The following PDE4C variants were observed in gnomAD, a reference collection of about 807,000 sequenced individuals.
PDE4C encodes 3',5'-cyclic-AMP phosphodiesterase 4C.
In PDE4C, 50 loss-of-function variants were observed where a neutral mutation model predicts 63.9. The observed-to-expected ratio is 0.78, with a 90% CI of 0.62 to 0.99. PDE4C has a LOEUF of 0.99. PDE4C is among the 50% of genes least tolerant of loss of function. The pLI is 0.00. For missense variants in PDE4C, 777 were observed against 899.1 expected, an observed-to-expected ratio of 0.86 and a Z score of 1.74; for synonymous variants, 377 against 385.1, an observed-to-expected ratio of 0.98 and a Z score of 0.25.
chr19:18,219,146 A>G (rs890184401), intron 8 of PDE4C, 88 bp downstream of exon 8: 2 of 1,576,640 alleles, frequency 1.3e-6, no homozygotes, highest in African/African-American at 2.7e-5. Flanking sequence ...ACTGCCCAGT[A>G]TATAGGTGGG....
intron 1 of PDE4C, among the ~76,000 whole-genome samples, chr19:18,244,301 G>T (rs1299869135): frequency 5.7e-5 from 8 of 139,204 alleles, no homozygotes; most frequent in East Asian, 2.2e-4. Flanking sequence ...GTTTTGTTTT[G>T]TTTTTTTTTT....
At position 18,211,209 on chromosome 19, in the gene PDE4C, G is replaced by A. The variant is rs776512163; in HGVS notation, c.1763C>T (p.Ala588Val). 18 of 1,613,344 alleles carry A rather than the reference G, an allele frequency of 1.1e-5. No homozygotes were observed. Among genetic ancestry groups the A allele is most frequent in the Non-Finnish European group, 1.7e-6 (2 of 1,179,608 alleles). The stretch of plus-strand genomic sequence containing the variant: ...CTCCAGCGTGTCCAGCAGGTCCTGT[G>A]CATCTGGGTGGACCAGGTCAGCCCA... The change falls in exon 15 of 15, where the codon GCA becomes GTA. Residue 588 changes from alanine to valine, a missense_variant. Transcript: ENST00000262805.
intron 1 of PDE4C, among the ~76,000 whole-genome samples, chr19:18,223,803 T>A (rs929011877): frequency 6.6e-6 from 1 of 152,214 alleles, no homozygotes; most frequent in Non-Finnish European, 1.5e-5. Flanking sequence ...AACAGCTTCT[T>A]GGGCTCTTCT....
chr19:18,227,196 G>A (rs750275444), upstream of PDE4C, among the ~76,000 whole-genome samples: 4 of 152,080 alleles, frequency 2.6e-5, no homozygotes, highest in Non-Finnish European at 4.4e-5. Context: ...ATCAAACAGC[G>A]CACCAGAAAC....
intron 2 of PDE4C, 73 bp from the exon 3 acceptor site, chr19:18,221,370 A>C: frequency 1.4e-6 from 2 of 1,419,236 alleles, no homozygotes; most frequent in East Asian, 2.5e-5. Context: ...TATGCCCTCA[A>C]CTGAGGGGGT....
chr19:18,252,614 C>A, upstream of PDE4C: 1 of 379,106 alleles, frequency 2.6e-6, no homozygotes. Flanking sequence ...CTTTCTCTCT[C>A]TCTTTTTTTT....
At chr19:18,233,584 A>C in exon 1 of PDE4C, 3 of 479,716 alleles carry the variant, frequency 6.3e-6, no homozygotes, top group South Asian at 1.5e-5. Context: ...TCGCTGCTAA[A>C]TGGAGGGCAG....
At chr19:18,237,716 CA>C (rs1477797891), upstream of PDE4C, among the ~76,000 whole-genome samples, 9 of 150,798 alleles carry the variant, frequency 6.0e-5, no homozygotes, top group South Asian at 6.3e-4. Context: ...ACTAAAAATA[CA>C]AAAAAATTAG....
At chr19:18,219,304 C>T (rs940669528) in exon 8 of PDE4C, 2 of 1,614,178 alleles carry the variant, frequency 1.2e-6, no homozygotes, top group Non-Finnish European at 1.7e-6. Context: ...GAGGCTGGCA[C>T]TGTGGCAGAG....
downstream of PDE4C, chr19:18,209,249 TA>T: frequency 6.7e-6 from 1 of 150,114 alleles, no homozygotes; most frequent in Non-Finnish European, 1.5e-5. Context: ...CATGCCTGGC[TA>T]ATTTTTTTTT....
upstream of PDE4C, among the ~76,000 whole-genome samples, chr19:18,229,156 G>T (rs192476819): frequency 7.1e-6 from 1 of 139,896 alleles, no homozygotes; most frequent in Non-Finnish European, 1.5e-5. Flanking sequence ...CACTATATTG[G>T]TCAGGCTGGT....
At chr19:18,233,693 C>T (rs1968899554), upstream of PDE4C, 6 of 353,632 alleles carry the variant, frequency 1.7e-5, 1 homozygote, top group South Asian at 1.1e-4. Context: ...GTGGATGAGA[C>T]AGCGAAGAGC....
exon 1 of PDE4C, chr19:18,233,176 C>T: frequency 6.4e-7 from 1 of 1,558,416 alleles, no homozygotes; most frequent in East Asian, 2.4e-5. Context: ...CCTTCGCCGA[C>T]CCCCAGGTTC....
intron 1 of PDE4C, among the ~76,000 whole-genome samples, chr19:18,242,785 C>CA (rs11381255): frequency 0.62 from 67,759 of 109,174 alleles, 18,943 homozygotes; most frequent in Middle Eastern, 0.7. Context: ...ACTTTCACCT[C>CA]AAAAAAAAAA....
chr19:18,211,034 C>T (rs1967906058), exon 15 of PDE4C: 1 of 1,614,242 alleles, frequency 6.2e-7, no homozygotes, highest in Non-Finnish European at 8.5e-7. Context: ...CTAAAGCTGT[C>T]TCTTCCCCCT....
chr19:18,219,187 G>A, intron 8 of PDE4C, 47 bp downstream of exon 8: 1 of 1,612,844 alleles, frequency 6.2e-7, no homozygotes, highest in Non-Finnish European at 8.5e-7. Flanking sequence ...CATCCAGACA[G>A]AGCCAGGGAC....
chr19:18,213,212 A>T (rs1968039401), intron 13 of PDE4C, among the ~76,000 whole-genome samples, 156 bp downstream of exon 13: 1 of 151,764 alleles, frequency 6.6e-6, no homozygotes, highest in Non-Finnish European at 1.5e-5. Context: ...TGAACCTGGG[A>T]GGCAGAGCTT....
intron 2 of PDE4C, 73 bp downstream of exon 2, chr19:18,222,059 G>T: frequency 7.6e-7 from 1 of 1,314,888 alleles, no homozygotes; most frequent in Non-Finnish European, 1.1e-6. Flanking sequence ...CTATTTGAAG[G>T]AGCTTGCTGA....
At chr19:18,222,076 G>A (rs57336517) in intron 2 of PDE4C, 56 bp downstream of exon 2, 21 of 1,469,936 alleles carry the variant, frequency 1.4e-5, no homozygotes, top group Middle Eastern at 1.8e-4. Context: ...CTGAATAGAG[G>A]AACAAAGGAA....
Sources: gnomAD v4.1 joint callset for allele counts (sites outside exome capture counted in the v4.1 genomes callset) on GRCh38, gnomAD v4.1.1 for gene constraint, MANE v1.5 for transcripts, NCBI Gene and HGNC (gene_info 2026-07-23, HGNC 2026-07-21) for gene names.